The following CLIP2 variants were observed in gnomAD, a reference collection of about 807,000 sequenced individuals.
CLIP2 encodes the protein CAP-Gly domain containing linker protein 2, also known as CAP-Gly domain-containing linker protein 2.
In CLIP2, 41 loss-of-function variants were observed where a neutral mutation model predicts 111.7. The observed-to-expected ratio is 0.37, with a 90% CI of 0.29 to 0.48. The LOEUF (loss-of-function observed/expected upper bound fraction) is 0.48. Among genes scored for constraint, CLIP2 ranks in the 20% least tolerant of loss-of-function variants. The probability of loss-of-function intolerance (pLI) is 0.99; values close to 1 mark genes in which losing one functional copy is unlikely to be tolerated. For synonymous variants in CLIP2, 660 were observed against 644.2 expected, an observed-to-expected ratio of 1.02 and a Z score of -0.37; for missense variants, 1,160 against 1,422.1, an observed-to-expected ratio of 0.82 and a Z score of 2.96.
At chr7:74,353,754 A>C (rs961487379) in intron 3 of CLIP2, 126 bp from the exon 4 acceptor site, 8 of 1,315,654 alleles carry the variant, frequency 6.1e-6, no homozygotes. Flanking sequence ...CTCCCTCCCC[A>C]CTCCTGGCTC....
chr7:74,391,460 T>C (rs1791290414), intron 13 of CLIP2, among the ~76,000 whole-genome samples: 2 of 152,180 alleles, frequency 1.3e-5, no homozygotes, highest in Non-Finnish European at 2.9e-5. Context: ...ATGAGCTAGA[T>C]TCAGTCGATA....
intron 3 of CLIP2, among the ~76,000 whole-genome samples, chr7:74,352,065 C>T (rs2116596649): frequency 6.6e-6 from 1 of 152,198 alleles, no homozygotes; most frequent in Admixed American, 6.6e-5. Flanking sequence ...ATAAAATTCC[C>T]AATGCCTCTG....
chr7:74,315,552 T>C (rs1788748003), intron 1 of CLIP2, among the ~76,000 whole-genome samples: 1 of 151,952 alleles, frequency 6.6e-6, no homozygotes, highest in Admixed American at 6.6e-5. Context: ...GCCCTTGTTT[T>C]TTCTTTTTTT....
Position 74,376,573 on chromosome 7 carries a change from G to A in CLIP2, c.2172G>A (p.Gln724=), listed in dbSNP as rs782454678. ...TGGAGCTGCAGGAGGCCCAGGACCA[G>A]CGCCGGGATGCCGAGCTGCGTGTGC... The part of the protein sequence containing the change: ...HRLELQEAQD[Q]RRDAELRVHE... The change falls in exon 10 of 17, where the codon CAG becomes CAA. Residue 724 remains glutamine, a synonymous_variant. Coordinates refer to ENST00000223398, the MANE Select transcript of CLIP2 (RefSeq NM_003388.5). The surrounding 1 kb of genome is among the most constrained non-coding windows in gnomAD (Gnocchi z 7.1). 1.4e-5 allele frequency: 23 copies of A among 1,609,854 alleles called. No individual in the cohort carries two copies. The highest frequency in any genetic ancestry group is 1.0e-4 in the Admixed American group (6 of 58,734).
chr7:74,354,979 G>A (rs1216385138), intron 4 of CLIP2, among the ~76,000 whole-genome samples: 1 of 152,100 alleles, frequency 6.6e-6, no homozygotes, highest in Non-Finnish European at 1.5e-5. Context: ...GGTTAGGAGG[G>A]TCTAAGGCTG....
intron 4 of CLIP2, among the ~76,000 whole-genome samples, chr7:74,354,358 A>G (rs1260739590): frequency 6.6e-6 from 1 of 152,176 alleles, no homozygotes; most frequent in Non-Finnish European, 1.5e-5. Context: ...TCATGCCTGT[A>G]ATCCCAGCCT....
chr7:74,289,841 C>T (rs1787960001), intron 1 of CLIP2, 107 bp downstream of exon 1: 1 of 145,438 alleles, frequency 6.9e-6, no homozygotes. Flanking sequence ...GGCCCGGAGG[C>T]ATTGTCGGGG....
At chr7:74,364,992 GTT>G (rs1491133942) in intron 8 of CLIP2, 12 of 307,582 alleles carry the variant, frequency 3.9e-5, no homozygotes, top group African/African-American at 2.9e-4. Context: ...CCTGTTTTTT[GTT>G]GTGTGTGTGT....
chr7:74,401,365 G>C, intron 15 of CLIP2, 140 bp from the exon 16 acceptor site: 1 of 740,446 alleles, frequency 1.4e-6, no homozygotes, highest in Non-Finnish European at 2.3e-6. Context: ...CTTGGTCTTT[G>C]GGGGTGCTGG....
chr7:74,337,080 G>A (rs1789495037), intron 2 of CLIP2, among the ~76,000 whole-genome samples: 1 of 151,780 alleles, frequency 6.6e-6, no homozygotes, highest in Non-Finnish European at 1.5e-5. Context: ...TAGAGACGGG[G>A]TTTCACCATG....
At chr7:74,335,883 C>T (rs1181683382) in intron 2 of CLIP2, among the ~76,000 whole-genome samples, 2 of 151,520 alleles carry the variant, frequency 1.3e-5, no homozygotes, top group African/African-American at 4.9e-5. Flanking sequence ...GCTGCGACTA[C>T]AGGCGCCCAC....
intron 2 of CLIP2, among the ~76,000 whole-genome samples, chr7:74,336,860 G>GTTTTTTTTTTTTTTTTT (rs376463523): frequency 1.4e-5 from 2 of 140,588 alleles, no homozygotes; most frequent in African/African-American, 2.8e-5. Context: ...TGTTTTTTTT[G>GTTTTTTTTTTTTTTTTT]TTTTTTTTTT....
chr7:74,326,177 T>C (rs1584327592), intron 2 of CLIP2, among the ~76,000 whole-genome samples: 1 of 151,494 alleles, frequency 6.6e-6, no homozygotes, highest in Non-Finnish European at 1.5e-5. Flanking sequence ...AAGGCAGAGG[T>C]TGTAGTGAGC....
intron 9 of CLIP2, among the ~76,000 whole-genome samples, chr7:74,375,509 C>T (rs1039716936): frequency 5.8e-5 from 8 of 137,056 alleles, no homozygotes; most frequent in South Asian, 2.3e-4. Context: ...GGTGAGATCA[C>T]GCCACTGCAT....
intron 3 of CLIP2, among the ~76,000 whole-genome samples, chr7:74,344,485 G>A (rs924995412): frequency 8.5e-5 from 13 of 152,084 alleles, no homozygotes; most frequent in African/African-American, 3.1e-4. Flanking sequence ...AGGCTCAAGC[G>A]ATCCTCCTGC....
chr7:74,347,762 C>T (rs984526019), intron 3 of CLIP2, among the ~76,000 whole-genome samples: 1 of 152,112 alleles, frequency 6.6e-6, no homozygotes, highest in African/African-American at 2.4e-5. Context: ...TATGAATATT[C>T]ATGAGCATGA....
At chr7:74,290,567 A>G (rs1392457949) in intron 1 of CLIP2, among the ~76,000 whole-genome samples, 5 of 152,126 alleles carry the variant, frequency 3.3e-5, no homozygotes, top group African/African-American at 1.2e-4. Context: ...TTGGGGGGAA[A>G]TCACCCACCC....
intron 13 of CLIP2, among the ~76,000 whole-genome samples, chr7:74,396,825 C>T (rs906755825): frequency 6.6e-6 from 1 of 152,028 alleles, no homozygotes; most frequent in Non-Finnish European, 1.5e-5. Context: ...TCTGCACTCC[C>T]CCCACAACAA....
At chr7:74,397,834 T>C (rs1554316947) in intron 14 of CLIP2, among the ~76,000 whole-genome samples, 1 of 151,226 alleles carries the variant, frequency 6.6e-6, no homozygotes, top group Non-Finnish European at 1.5e-5. Context: ...GCCTGGCTAA[T>C]TTTTTTGTAT....
Sources: gnomAD v4.1 joint callset for allele counts (sites outside exome capture counted in the v4.1 genomes callset) on GRCh38, gnomAD v4.1.1 for gene constraint, Gnocchi (gnomAD v3.1) non-coding constraint, MANE v1.5 for transcripts, NCBI Gene and HGNC (gene_info 2026-07-23, HGNC 2026-07-21) for gene names.